The following SGTB variants were observed in gnomAD, a reference collection of about 807,000 sequenced individuals.
SGTB encodes the protein small glutamine-rich tetratricopeptide repeat-containing protein beta.
SGTB carries 19 observed loss-of-function variants against 43.9 expected under a neutral mutation model. The ratio of observed to expected loss-of-function variants is 0.43; its 90% CI spans 0.30 to 0.63. The LOEUF (loss-of-function observed/expected upper bound fraction) is 0.63. Among genes scored for constraint, SGTB ranks in the 30% least tolerant of loss-of-function variants. SGTB has a pLI of 0.12. For missense variants in SGTB, 304 were observed against 358.9 expected (o/e 0.85, Z 1.24); for synonymous variants, 116 against 117.3 (o/e 0.99, Z 0.07).
intron 5 of SGTB, among the ~76,000 whole-genome samples, chr5:65,686,888 CT>C (rs1757510103): frequency 6.6e-6 from 1 of 152,168 alleles, no homozygotes; most frequent in South Asian, 2.1e-4. Context: ...TAATCTCCTC[CT>C]GTCAATCAAA....
chr5:65,707,395 TAC>T (rs35011866), intron 4 of SGTB, among the ~76,000 whole-genome samples: 6,808 of 133,536 alleles, frequency 0.051, 253 homozygotes, highest in African/African-American at 0.11. Context: ...GCTGATTTTA[TAC>T]ACACACACAC....
chr5:65,690,102 AG>A (rs1255071136), intron 5 of SGTB, among the ~76,000 whole-genome samples: 1 of 108,288 alleles, frequency 9.2e-6, no homozygotes, highest in Non-Finnish European at 1.8e-5. Context: ...ATCCAATAGA[AG>A]GGGGGGATGT....
chr5:65,699,054 T>A (rs1330754512), intron 5 of SGTB, among the ~76,000 whole-genome samples: 1 of 151,942 alleles, frequency 6.6e-6, no homozygotes. Context: ...GAAAAAAAAA[T>A]CATTATATCC....
At chr5:65,700,860 A>G (rs1757801471) in intron 5 of SGTB, among the ~76,000 whole-genome samples, 1 of 150,834 alleles carries the variant, frequency 6.6e-6, no homozygotes, top group Admixed American at 6.6e-5. Context: ...AAATACAAAA[A>G]TTAGCCTGGA....
rs1050259024 is a variant in SGTB at position 65,668,539 on chromosome 5, G to C, written c.*1707C>G. 6.6e-6 allele frequency: 1 copy of C among 152,078 alleles called. No homozygotes were observed. The highest frequency in any genetic ancestry group is 2.4e-5 in the African/African-American group (1 of 41,398). The allele number at this position is 152,078 out of a possible 1,614,324, so 9.4% of individuals were successfully genotyped here. On this transcript the variant is annotated 3_prime_UTR_variant, in exon 11 of 11. Transcript: ENST00000381007. Reference sequence around the variant, plus strand: ...AGGCGGATCACGAGGTCAAGAGATTGAGACAATCCTGGCAAACATGGTGAA... The same window carrying C: ...AGGCGGATCACGAGGTCAAGAGATTCAGACAATCCTGGCAAACATGGTGAA...
chr5:65,706,145 T>C (rs962570672), intron 4 of SGTB, among the ~76,000 whole-genome samples: 3 of 152,204 alleles, frequency 2.0e-5, no homozygotes, highest in Non-Finnish European at 4.4e-5. Context: ...GTATGACATA[T>C]GAATTATATC....
At chr5:65,722,497 C>T, upstream of SGTB, 1 of 1,259,664 alleles carries the variant, frequency 7.9e-7, no homozygotes. Flanking sequence ...GGACCCACCC[C>T]TTCCCGACCG....
intron 6 of SGTB, among the ~76,000 whole-genome samples, chr5:65,682,596 C>A (rs1757417760): frequency 6.6e-6 from 1 of 152,138 alleles, no homozygotes; most frequent in African/African-American, 2.4e-5. Context: ...GTACTTATGT[C>A]AGGCGTAATA....
At chr5:65,676,803 A>G (rs75637893) in intron 8 of SGTB, among the ~76,000 whole-genome samples, 5,993 of 152,184 alleles carry the variant, frequency 0.039, 394 homozygotes, top group African/African-American at 0.13. Flanking sequence ...CCAGAATCTC[A>G]GACACAGCTA....
At chr5:65,719,727 T>C (rs924383895) in intron 2 of SGTB, among the ~76,000 whole-genome samples, 7 of 152,198 alleles carry the variant, frequency 4.6e-5, no homozygotes, top group Admixed American at 3.9e-4. Context: ...CACATAAACA[T>C]GAAGAACAAA....
chr5:65,676,479 T>C (rs571376900), intron 8 of SGTB, among the ~76,000 whole-genome samples: 2 of 152,188 alleles, frequency 1.3e-5, no homozygotes, highest in South Asian at 4.2e-4. Flanking sequence ...TCCCACACAA[T>C]AATAGTGGGA....
At chr5:65,679,525 G>T (rs999485241) in intron 8 of SGTB, among the ~76,000 whole-genome samples, 1 of 152,092 alleles carries the variant, frequency 6.6e-6, no homozygotes, top group Admixed American at 6.5e-5. Flanking sequence ...GCTGAGGCAG[G>T]AGATTCGCTT....
At chr5:65,683,348 C>T (rs1430806758) in intron 6 of SGTB, among the ~76,000 whole-genome samples, 1 of 152,134 alleles carries the variant, frequency 6.6e-6, no homozygotes, top group Non-Finnish European at 1.5e-5. Context: ...TGTGCATGTA[C>T]ATGAATGACC....
At chr5:65,672,315 C>T in intron 8 of SGTB, 34 bp from the exon 9 acceptor site, 1 of 1,610,428 alleles carries the variant, frequency 6.2e-7, no homozygotes. Flanking sequence ...CCATTAAAGG[C>T]AGTTAATATG....
At chr5:65,722,467 C>G, upstream of SGTB, 1 of 1,487,242 alleles carries the variant, frequency 6.7e-7, no homozygotes. Context: ...GGGTCTTTCG[C>G]CGTGTGGTGC....
chr5:65,720,628 G>T (rs1758249590), intron 2 of SGTB, 80 bp downstream of exon 2: 1 of 1,506,618 alleles, frequency 6.6e-7, no homozygotes, highest in African/African-American at 1.4e-5. Context: ...TGTTACAATA[G>T]ATCATCAAGT....
intron 2 of SGTB, among the ~76,000 whole-genome samples, chr5:65,714,018 C>T (rs1236017347): frequency 6.6e-6 from 1 of 152,052 alleles, no homozygotes; most frequent in Non-Finnish European, 1.5e-5. Flanking sequence ...CTCACTACTG[C>T]ACTCCAGTAC....
At chr5:65,716,838 T>C (rs1017317792) in intron 2 of SGTB, among the ~76,000 whole-genome samples, 38 of 151,820 alleles carry the variant, frequency 2.5e-4, no homozygotes, top group Non-Finnish European at 4.4e-5. Context: ...AAATAAGGGG[T>C]ATTTAAGGCT....
chr5:65,697,970 G>A (rs1035170191), intron 5 of SGTB, among the ~76,000 whole-genome samples: 2 of 152,114 alleles, frequency 1.3e-5, no homozygotes, highest in Non-Finnish European at 2.9e-5. Flanking sequence ...CAGAAAATAT[G>A]TATGATTTCT....
Sources: gnomAD v4.1 joint callset for allele counts (sites outside exome capture counted in the v4.1 genomes callset) on GRCh38, gnomAD v4.1.1 for gene constraint, MANE v1.5 for transcripts, NCBI Gene and HGNC (gene_info 2026-07-23, HGNC 2026-07-21) for gene names.